The following ZMAT1 variants were observed in gnomAD, a reference collection of about 807,000 sequenced individuals.
ZMAT1 encodes the protein zinc finger matrin-type protein 1.
ZMAT1 carries 11 observed loss-of-function variants against 18.5 expected under a neutral mutation model. The ratio of observed to expected loss-of-function variants is 0.59; its 90% CI spans 0.37 to 0.98. The LOEUF (loss-of-function observed/expected upper bound fraction) is 0.98, where lower values mean the gene tolerates loss of function less well. Ranked by LOEUF, ZMAT1 falls within the 50% of genes least tolerant of loss-of-function variation. The probability of loss-of-function intolerance (pLI) is 0.01; values close to 1 mark genes in which losing one functional copy is unlikely to be tolerated. For synonymous variants in ZMAT1, 211 were observed against 176.4 expected (o/e 1.20, Z -1.55); for missense variants, 525 against 496.2 (o/e 1.06, Z -0.55).
intron 1 of ZMAT1, among the ~76,000 whole-genome samples, chrX:101,929,418 AGAGATT>A (rs1173712210): frequency 2.9e-5 from 1 of 35,024 alleles, no homozygotes; most frequent in Non-Finnish European, 6.0e-5. Flanking sequence ...ATATATAGAG[AGAGATT>A]ATATATATAT....
Position 101,929,454 on chromosome X carries a change from TA to T in ZMAT1, c.292+2262del, listed in dbSNP as rs1357314867. Among the ~76,000 whole-genome samples the T allele has an allele frequency of 2.1e-3, 143 of 68,533 alleles. 2 individuals are homozygous for T. The highest frequency in any genetic ancestry group is 6.8e-3 in the African/African-American group (130 of 19,232). 59.5% of individuals were successfully genotyped at this position (68,533 alleles called of 115,157 possible). On this transcript the variant is annotated intron_variant, in intron 1 of 5. Coordinates refer to ENST00000651725, the MANE Select transcript of ZMAT1 (RefSeq NM_001394560.1). ...ATATATATATATATATATATATATA[TA>T]TACACACAGAGAGAGAGAGAGAGAG... is the stretch of plus-strand genomic sequence containing the variant.
At chrX:101,928,356 TTTTC>T (rs1240655269) in intron 1 of ZMAT1, among the ~76,000 whole-genome samples, 4 of 111,967 alleles carry the variant, frequency 3.6e-5, no homozygotes, top group Non-Finnish European at 5.6e-5. Flanking sequence ...TAGATTTTCT[TTTTC>T]TTTCTTTTTT....
chrX:101,898,013 GTT>G lies in ZMAT1; in HGVS notation c.529_530del (p.Asn177GlnfsTer4). The G allele has an allele frequency of 8.3e-7, 1 of 1,211,213 alleles. No homozygotes were observed. The highest frequency in any genetic ancestry group is 1.1e-6 in the Non-Finnish European group (1 of 895,318). On this transcript the variant is annotated frameshift_variant, in exon 4 of 6. Coordinates refer to ENST00000651725, the MANE Select transcript of ZMAT1 (RefSeq NM_001394560.1). LOFTEE classifies it high-confidence loss of function. ...TCATGTTGCAGAGATCACAAAATTTGTTTTTGTCCACTCCTTCATACCTATGC... is the reference window on the plus strand; with the variant it reads ...TCATGTTGCAGAGATCACAAAATTTGTTTGTCCACTCCTTCATACCTATGC... ...QVHRYEGVDK[N>X]KFCDLCNMMF...
rs372037858 is a variant in ZMAT1 at position 101,898,921 on chromosome X, G to C, written c.400-701C>G. On this transcript the variant is annotated intron_variant, in intron 2 of 5. Transcript: ENST00000651725. ...AAATTAGCTGGGCGTGGTGGTGTGC[G>C]CCTGTAATCTCAGCTACTCAGGAGG... Among the ~76,000 whole-genome samples the C allele has an allele frequency of 2.2e-4, 24 of 111,179 alleles. No individual in the cohort carries two copies. In the South Asian group the frequency reaches 8.4e-3, roughly 39 times the overall value.
At chrX:101,889,940 CAG>C (rs1359051241) in intron 4 of ZMAT1, 1 of 111,977 alleles carries the variant, frequency 8.9e-6, no homozygotes, top group Non-Finnish European at 1.9e-5. Context: ...TAAAGAAAAA[CAG>C]AAAATGTCCA....
At chrX:101,902,446 T>A (rs1167691298) in intron 2 of ZMAT1, among the ~76,000 whole-genome samples, 1 of 112,267 alleles carries the variant, frequency 8.9e-6, no homozygotes, top group Admixed American at 9.5e-5. Context: ...CTACAGATAT[T>A]GTGACTCATT....
At chrX:101,910,018 G>C (rs1180804939) in intron 1 of ZMAT1, among the ~76,000 whole-genome samples, 1 of 112,651 alleles carries the variant, frequency 8.9e-6, no homozygotes, top group Non-Finnish European at 1.9e-5. Flanking sequence ...AGTCACAGTG[G>C]TGGTGGCCAC....
intron 1 of ZMAT1, among the ~76,000 whole-genome samples, chrX:101,929,139 C>T (rs971369490): frequency 9.1e-6 from 1 of 109,802 alleles, no homozygotes; most frequent in Non-Finnish European, 1.9e-5. Flanking sequence ...TCATTATCCA[C>T]CCCAAGACAG....
At chrX:101,904,869 C>T (rs1359799379) in intron 1 of ZMAT1, among the ~76,000 whole-genome samples, 1 of 111,461 alleles carries the variant, frequency 9.0e-6, no homozygotes, top group Non-Finnish European at 1.9e-5. Context: ...CACTTGAGCC[C>T]AGGAGGTCGA....
At chrX:101,900,096 A>C (rs769830612) in intron 2 of ZMAT1, among the ~76,000 whole-genome samples, 2 of 111,913 alleles carry the variant, frequency 1.8e-5, no homozygotes, top group Admixed American at 1.9e-4. Flanking sequence ...GGCCATTTGC[A>C]TATCTTCTTT....
In ZMAT1 at chrX:101,907,487, C is replaced by T. The variant is rs375231842; in HGVS notation, c.293-3157G>A. Among the ~76,000 whole-genome samples the T allele has an allele frequency of 2.8e-4, 31 of 112,388 alleles. 3 individuals carry two copies. Among genetic ancestry groups the T allele is most frequent in the East Asian group, 2.2e-3 (8 of 3,605 alleles). ...CTGCAAAAATTGGAATAAGTCCTTA[C>T]GTTTCTTTAAATGTGCAGACATTAA... On this transcript the variant is annotated intron_variant, in intron 1 of 5. Transcript: ENST00000651725.
At chrX:101,923,729 G>T (rs758769313) in intron 1 of ZMAT1, among the ~76,000 whole-genome samples, 2 of 111,888 alleles carry the variant, frequency 1.8e-5, no homozygotes, top group African/African-American at 6.5e-5. Context: ...AAATTTTTCT[G>T]CAAAATTAGT....
intron 1 of ZMAT1, 111 bp downstream of exon 1, chrX:101,931,606 G>C: frequency 1.7e-6 from 1 of 586,477 alleles, no homozygotes; most frequent in Non-Finnish European, 1.9e-6. Flanking sequence ...ACTGCGCCAC[G>C]GCAGGTGGGG....
chrX:101,931,474 C>A (rs1930478562), intron 1 of ZMAT1: 2 of 751,877 alleles, frequency 2.7e-6, no homozygotes, highest in Admixed American at 8.8e-5. Context: ...ACCTGCAATT[C>A]TTTTGCCTGG....
chrX:101,925,350 G>GT (rs1929993005), intron 1 of ZMAT1, among the ~76,000 whole-genome samples: 1 of 112,309 alleles, frequency 8.9e-6, no homozygotes, highest in East Asian at 2.8e-4. Flanking sequence ...AAATAAGAGT[G>GT]TTTTACCTCT....
chrX:101,895,308 G>A (rs1927721859), intron 4 of ZMAT1, among the ~76,000 whole-genome samples: 1 of 110,884 alleles, frequency 9.0e-6, no homozygotes, highest in Non-Finnish European at 1.9e-5. Context: ...GCTTCCTTAT[G>A]TATATACCTA....
intron 1 of ZMAT1, chrX:101,911,396 T>G: frequency 2.8e-6 from 1 of 352,199 alleles, no homozygotes; most frequent in Non-Finnish European, 4.8e-6. Flanking sequence ...ATTATAATAC[T>G]ATAACAGAGG....
chrX:101,921,725 T>C (rs1374595525), intron 1 of ZMAT1, among the ~76,000 whole-genome samples: 1 of 111,502 alleles, frequency 9.0e-6, no homozygotes, highest in Non-Finnish European at 1.9e-5. Flanking sequence ...AAAATTTTGG[T>C]GGGGTACTTA....
chrX:101,888,907 A>G (rs1927168307), intron 4 of ZMAT1: 1 of 111,691 alleles, frequency 9.0e-6, no homozygotes, highest in Non-Finnish European at 1.9e-5. Flanking sequence ...GAGTTTTTAC[A>G]TATTTATTTA....
Sources: allele counts gnomAD v4.1 joint callset (sites outside exome capture counted in the v4.1 genomes callset), GRCh38; gene constraint gnomAD v4.1.1; transcripts MANE v1.5; gene names NCBI Gene and HGNC (gene_info 2026-07-23, HGNC 2026-07-21).